BBX: variants seen among roughly 807,000 people sequenced by gnomAD.
BBX encodes the protein BBX high mobility group box domain containing.
BBX carries 30 observed loss-of-function variants against 100.2 expected under a neutral mutation model. The ratio of observed to expected loss-of-function variants is 0.30; its 90% CI spans 0.22 to 0.41. The LOEUF is 0.41. BBX is among the 10% of genes least tolerant of loss of function. BBX has a pLI of 1.00. For missense variants in BBX, 1,023 were observed against 1,129.8 expected (o/e 0.91, Z 1.35); for synonymous variants, 376 against 388.1 (o/e 0.97, Z 0.37).
chr3:107,647,086 A>G (rs2057562694), intron 3 of BBX, among the ~76,000 whole-genome samples: 1 of 152,172 alleles, frequency 6.6e-6, no homozygotes, highest in South Asian at 2.1e-4. Context: ...TTCAAGGCAC[A>G]CTTGTTACAA....
At chr3:107,737,274 C>T (rs778074173) in intron 7 of BBX, among the ~76,000 whole-genome samples, 11 of 148,314 alleles carry the variant, frequency 7.4e-5, no homozygotes, top group Admixed American at 1.4e-4. Flanking sequence ...CAGGCTGATA[C>T]GCTTTACCAG....
In BBX at chr3:107,695,811, T is replaced by A. The variant is rs1050691252; in HGVS notation, c.-9-14641T>A. Among the ~76,000 whole-genome samples the A allele has an allele frequency of 2.0e-5, 3 of 151,548 alleles. 1 individual carries two copies. The highest frequency in any genetic ancestry group is 7.3e-5 in the African/African-American group (3 of 40,868). ...GACAGTGGGGTGTTAAAGTCTCCCATTATTAATGTGTGGGAGTCTAAGTCT... is the reference window on the plus strand; with the variant it reads ...GACAGTGGGGTGTTAAAGTCTCCCAATATTAATGTGTGGGAGTCTAAGTCT... On this transcript the variant is annotated intron_variant, in intron 3 of 17. Coordinates refer to ENST00000325805, the MANE Select transcript of BBX (RefSeq NM_001142568.3).
intron 12 of BBX, among the ~76,000 whole-genome samples, chr3:107,775,979 G>A (rs1430484630): frequency 6.6e-6 from 1 of 151,902 alleles, no homozygotes; most frequent in East Asian, 1.9e-4. Flanking sequence ...AAAATCCAAA[G>A]TACTTCAAAT....
intron 3 of BBX, among the ~76,000 whole-genome samples, chr3:107,695,141 A>C (rs1368350782): frequency 1.6e-5 from 2 of 125,356 alleles, no homozygotes; most frequent in African/African-American, 6.6e-5. Flanking sequence ...CCTTTCAAAA[A>C]ACCAGCTCCT....
Position 107,645,201 on chromosome 3 carries a change from A to T in BBX, c.-83-635A>T, listed in dbSNP as rs148557897. ...GAAATGATATGGTTTAGGGATATATATTTGCAGTGTTATTAAAATAAAATA... is the reference window on the plus strand; with the variant it reads ...GAAATGATATGGTTTAGGGATATATTTTTGCAGTGTTATTAAAATAAAATA... On this transcript the variant is annotated intron_variant, in intron 2 of 17. Transcript: ENST00000325805. 8.6e-3 allele frequency among the ~76,000 whole-genome samples: 1,308 copies of T among 152,282 alleles called. 25 individuals are homozygous for T. Among genetic ancestry groups the T allele is most frequent in the African/African-American group, 0.03 (1,247 of 41,564 alleles).
intron 13 of BBX, among the ~76,000 whole-genome samples, chr3:107,784,653 C>A (rs1326279420): frequency 6.6e-6 from 1 of 151,612 alleles, no homozygotes; most frequent in Admixed American, 6.6e-5. Flanking sequence ...GCATCTAAAG[C>A]AAACTTAGAG....
intron 3 of BBX, chr3:107,661,780 C>T (rs377723718): frequency 7.6e-6 from 5 of 656,460 alleles, no homozygotes; most frequent in Non-Finnish European, 9.4e-6. Flanking sequence ...TTTCCTCTCT[C>T]TGTGTTTCTC....
intron 3 of BBX, among the ~76,000 whole-genome samples, chr3:107,679,725 G>A (rs1559958727): frequency 6.6e-6 from 1 of 152,088 alleles, no homozygotes; most frequent in Non-Finnish European, 1.5e-5. Context: ...GTACAGTCCA[G>A]GCTTTCTCTT....
intron 3 of BBX, among the ~76,000 whole-genome samples, chr3:107,663,891 T>C (rs2058599436): frequency 1.3e-5 from 2 of 151,566 alleles, no homozygotes; most frequent in Admixed American, 6.6e-5. Context: ...CTGCAAGCTC[T>C]GCCTCCCGGG....
chr3:107,591,264 A>ATTC (rs1206093873), intron 2 of BBX, among the ~76,000 whole-genome samples: 1 of 152,182 alleles, frequency 6.6e-6, no homozygotes, highest in African/African-American at 2.4e-5. Flanking sequence ...GCAAACTTAG[A>ATTC]TAAGTTTTCC....
At chr3:107,607,473 T>G (rs1384216024) in intron 2 of BBX, among the ~76,000 whole-genome samples, 1 of 152,186 alleles carries the variant, frequency 6.6e-6, no homozygotes, top group Non-Finnish European at 1.5e-5. Flanking sequence ...GACACTTAGG[T>G]TGCTTCCAAA....
chr3:107,636,678 G>A (rs963838238), intron 2 of BBX, among the ~76,000 whole-genome samples: 3 of 152,182 alleles, frequency 2.0e-5, no homozygotes, highest in Admixed American at 6.5e-5. Context: ...ACTGGAATTA[G>A]TGACAAAGGA....
At chr3:107,604,924 G>A (rs760622194) in intron 2 of BBX, among the ~76,000 whole-genome samples, 9 of 152,168 alleles carry the variant, frequency 5.9e-5, no homozygotes, top group African/African-American at 1.7e-4. Context: ...TGGAGCCACA[G>A]TTAAATATAT....
At chr3:107,546,941 GT>G (rs2049281759) in intron 2 of BBX, among the ~76,000 whole-genome samples, 1 of 117,712 alleles carries the variant, frequency 8.5e-6, no homozygotes, top group African/African-American at 2.7e-5. Flanking sequence ...TAACTGTTCT[GT>G]TAGTTTATTT....
intron 5 of BBX, among the ~76,000 whole-genome samples, chr3:107,721,962 CTCTA>C (rs1387148258): frequency 3.3e-5 from 5 of 152,028 alleles, no homozygotes; most frequent in Non-Finnish European, 5.9e-5. Context: ...TTTCATACTT[CTCTA>C]TCTAAATGAT....
chr3:107,560,340 T>C (rs1371791427), intron 2 of BBX, among the ~76,000 whole-genome samples: 2 of 152,204 alleles, frequency 1.3e-5, no homozygotes, highest in South Asian at 2.1e-4. Flanking sequence ...ATGATTTCAC[T>C]TTAAAAGTCT....
At chr3:107,642,251 TGACTACAAACACA>T (rs2107772114) in intron 2 of BBX, among the ~76,000 whole-genome samples, 1 of 152,340 alleles carries the variant, frequency 6.6e-6, no homozygotes, top group East Asian at 1.9e-4. Context: ...AAGAATTTTT[TGACTACAAACACA>T]ACTCCATTAT....
intron 2 of BBX, among the ~76,000 whole-genome samples, chr3:107,562,010 C>T (rs1020941585): frequency 3.9e-5 from 6 of 152,032 alleles, no homozygotes; most frequent in African/African-American, 1.4e-4. Flanking sequence ...TTTTGAAATA[C>T]CTTTTAGCCA....
chr3:107,752,969 C>G (rs1391158364), intron 9 of BBX, among the ~76,000 whole-genome samples: 1 of 152,156 alleles, frequency 6.6e-6, no homozygotes, highest in Non-Finnish European at 1.5e-5. Flanking sequence ...AGTAATATAA[C>G]AAATCATTAT....
Sources: allele counts gnomAD v4.1 joint callset (sites outside exome capture counted in the v4.1 genomes callset), GRCh38; gene constraint gnomAD v4.1.1; transcripts MANE v1.5; gene names NCBI Gene and HGNC (gene_info 2026-07-23, HGNC 2026-07-21).